MAP2K5: variants seen among roughly 807,000 people sequenced by gnomAD.
The protein encoded by MAP2K5 is mitogen-activated protein kinase kinase 5.
A neutral mutation model predicts 83.1 loss-of-function variants in MAP2K5; 49 were observed. The ratio of observed to expected loss-of-function variants is 0.59; its 90% CI spans 0.47 to 0.75. The LOEUF is 0.75. Ranked by LOEUF, MAP2K5 falls within the 30% of genes least tolerant of loss-of-function variation. The pLI is 0.00. For missense variants in MAP2K5, 457 were observed against 557.5 expected (o/e 0.82, Z 1.82); for synonymous variants, 202 against 191.8 (o/e 1.05, Z -0.44).
intron 8 of MAP2K5, among the ~76,000 whole-genome samples, chr15:67,620,085 T>A (rs532846596): frequency 3.7e-4 from 57 of 152,150 alleles, no homozygotes; most frequent in African/African-American, 1.3e-3. Flanking sequence ...AAAAATATAC[T>A]AGTAGGCCAT....
At chr15:67,544,679 C>T (rs890679240) in intron 1 of MAP2K5, among the ~76,000 whole-genome samples, 6 of 152,104 alleles carry the variant, frequency 3.9e-5, no homozygotes, top group Non-Finnish European at 8.8e-5. Flanking sequence ...GCGGACATTC[C>T]GAAAAGCACA....
At chr15:67,694,407 A>G (rs2088193062) in intron 15 of MAP2K5, among the ~76,000 whole-genome samples, 1 of 152,196 alleles carries the variant, frequency 6.6e-6, no homozygotes, top group Non-Finnish European at 1.5e-5. Context: ...ATGAAATTAA[A>G]TGATGTTAGT....
Position 67,577,488 on chromosome 15 carries a change from G to A in MAP2K5, c.253-3266G>A, listed in dbSNP as rs1257660918. On this transcript the variant is annotated intron_variant, in intron 3 of 21. Coordinates refer to ENST00000178640, the MANE Select transcript of MAP2K5 (RefSeq NM_145160.3). This position sits in a 1 kb window ranked among gnomAD's most constrained non-coding sequence, Gnocchi z 4.1. The stretch of plus-strand genomic sequence containing the variant: ...GGATAACTTGAAGTAATATTATGAA[G>A]GTTACTTTGTTACATTTCTGTCCAA... Among the ~76,000 whole-genome samples, 1 of 152,102 alleles carries A rather than the reference G, an allele frequency of 6.6e-6. No individual in the cohort carries two copies. Among genetic ancestry groups the A allele is most frequent in the African/African-American group, 2.4e-5 (1 of 41,402 alleles).
chr15:67,612,024 C>CCAGA (rs2085934427), intron 8 of MAP2K5, among the ~76,000 whole-genome samples: 1 of 151,764 alleles, frequency 6.6e-6, no homozygotes, highest in Non-Finnish European at 1.5e-5. Flanking sequence ...GATCTCTGAA[C>CCAGA]CTCAGTCAGT....
intron 8 of MAP2K5, among the ~76,000 whole-genome samples, chr15:67,610,874 T>G (rs899044630): frequency 2.0e-5 from 3 of 152,230 alleles, no homozygotes; most frequent in African/African-American, 7.2e-5. Flanking sequence ...AAAATTTCCT[T>G]ACTTTTCCTT....
At chr15:67,594,808 A>G (rs796512002) in intron 7 of MAP2K5, among the ~76,000 whole-genome samples, 7 of 152,232 alleles carry the variant, frequency 4.6e-5, no homozygotes, top group African/African-American at 1.4e-4. Flanking sequence ...CACTCAAAAA[A>G]TTCCCTCAAA....
At chr15:67,625,789 T>C (rs1206941561) in intron 8 of MAP2K5, among the ~76,000 whole-genome samples, 1 of 152,182 alleles carries the variant, frequency 6.6e-6, no homozygotes, top group Non-Finnish European at 1.5e-5. Context: ...GAACCCAAAC[T>C]TCCACGGATG....
intron 13 of MAP2K5, among the ~76,000 whole-genome samples, chr15:67,674,098 C>T (rs957979015): frequency 1.3e-5 from 2 of 152,266 alleles, no homozygotes; most frequent in African/African-American, 2.4e-5. Flanking sequence ...CCACCCGTCT[C>T]GGCCTCCCAA....
rs1240729049 is a variant in MAP2K5 at position 67,565,612 on chromosome 15, A to G, written c.252+2262A>G. 7.3e-5 allele frequency among the ~76,000 whole-genome samples: 11 copies of G among 151,352 alleles called. No individual in the cohort carries two copies. The highest frequency in any genetic ancestry group is 7.2e-4 in the Admixed American group (11 of 15,236). ...TTCTGCACCATGTATTCCTTACAGC[A>G]TATGCTTATTTTCTCAAATTCAGTG... On this transcript the variant is annotated intron_variant, in intron 3 of 21. Transcript: ENST00000178640. The surrounding 1 kb of genome is among the most constrained non-coding windows in gnomAD (Gnocchi z 4.1).
Position 67,774,405 on chromosome 15 carries a change from T to C in MAP2K5, c.1242+1653T>C, listed in dbSNP as rs117053229. Reference sequence around the variant, plus strand: ...TTTTAAATGAATGCATTCCCAGAGGTATAGCAGTGGTGAGGCACCACTGCT... The same window carrying C: ...TTTTAAATGAATGCATTCCCAGAGGCATAGCAGTGGTGAGGCACCACTGCT... On this transcript the variant is annotated intron_variant, in intron 21 of 21. Transcript: ENST00000178640. The surrounding 1 kb of genome is among the most constrained non-coding windows in gnomAD (Gnocchi z 4.9). Among the ~76,000 whole-genome samples, 242 of 152,154 alleles carry C rather than the reference T, an allele frequency of 1.6e-3. 2 individuals are homozygous for C. In the East Asian group the frequency reaches 0.033, roughly 21 times the overall value.
chr15:67,704,089 A>G (rs973033042), intron 16 of MAP2K5, among the ~76,000 whole-genome samples: 5 of 152,120 alleles, frequency 3.3e-5, no homozygotes, highest in African/African-American at 9.7e-5. Context: ...ACTCTATGCT[A>G]TGTTTTTTTT....
In MAP2K5 at chr15:67,561,890, T is replaced by TGTG. The variant is rs1475895774; in HGVS notation, c.185-1390_185-1388dup. ...AGACAGGAGGGAAGACCCACTGACT[T>TGTG]GTGGTAGGGGAAGATCCCTGTGTTG... On this transcript the variant is annotated intron_variant, in intron 2 of 21. Transcript: ENST00000178640. The surrounding 1 kb of genome is among the most constrained non-coding windows in gnomAD (Gnocchi z 4.2). 6.6e-6 allele frequency among the ~76,000 whole-genome samples: 1 copy of TGTG among 152,146 alleles called. No individual in the cohort carries two copies. Among genetic ancestry groups the TGTG allele is most frequent in the African/African-American group, 2.4e-5 (1 of 41,428 alleles).
intron 12 of MAP2K5, 164 bp downstream of exon 12, chr15:67,658,778 C>T (rs1596738662): frequency 1.5e-6 from 1 of 657,122 alleles, no homozygotes; most frequent in Non-Finnish European, 2.8e-6. Context: ...TAGACCAGCC[C>T]ACCCAACATC....
Position 67,543,744 on chromosome 15 carries a change from G to A in MAP2K5, c.135+274G>A, listed in dbSNP as rs557403642. Among the ~76,000 whole-genome samples the A allele has an allele frequency of 4.1e-4, 63 of 152,150 alleles. No homozygotes were observed. Among genetic ancestry groups the A allele is most frequent in the Non-Finnish European group, 6.5e-4 (44 of 68,030 alleles). Reference sequence around the variant, plus strand: ...GGGACACACATATAGACACAACCACGCAAATGCAAACTGCTGAATCTAGAA... The same window carrying A: ...GGGACACACATATAGACACAACCACACAAATGCAAACTGCTGAATCTAGAA... On this transcript the variant is annotated intron_variant, in intron 1 of 21. Coordinates refer to ENST00000178640, the MANE Select transcript of MAP2K5 (RefSeq NM_145160.3). The surrounding 1 kb of genome is among the most constrained non-coding windows in gnomAD (Gnocchi z 4.3).
rs1022242713 is a variant in MAP2K5 at position 67,665,091 on chromosome 15, A to C, written c.847+446A>C. On this transcript the variant is annotated intron_variant, in intron 13 of 21. Transcript: ENST00000178640. This position sits in a 1 kb window ranked among gnomAD's most constrained non-coding sequence, Gnocchi z 4.2. ...AAGATGGGGTCTTGCTCTGTTGGCC[A>C]GGTTGTTGTTAAACCCCTAGCCTCA... 3.3e-5 allele frequency among the ~76,000 whole-genome samples: 5 copies of C among 152,200 alleles called. No individual in the cohort carries two copies. The highest frequency in any genetic ancestry group is 1.2e-4 in the African/African-American group (5 of 41,456).
rs1162445094 is a variant in MAP2K5 at position 67,690,046 on chromosome 15, G to A, written c.848-2433G>A. On this transcript the variant is annotated intron_variant, in intron 13 of 21. Transcript: ENST00000178640. The surrounding 1 kb of genome is among the most constrained non-coding windows in gnomAD (Gnocchi z 4.3). Reference sequence around the variant, plus strand: ...GTGCCATTTTTTTTAAATCTCTTCAGCTATTGTTAGTGTATTTTATATGTG... The same window carrying A: ...GTGCCATTTTTTTTAAATCTCTTCAACTATTGTTAGTGTATTTTATATGTG... Among the ~76,000 whole-genome samples the A allele has an allele frequency of 6.6e-6, 1 of 152,078 alleles. No homozygotes were observed.
chr15:67,741,695 G>A (rs981526189), intron 17 of MAP2K5, among the ~76,000 whole-genome samples: 3 of 152,096 alleles, frequency 2.0e-5, no homozygotes, highest in African/African-American at 7.2e-5. Flanking sequence ...TAATAAAGGG[G>A]AGAAGGATAG....
Position 67,688,858 on chromosome 15 carries a change from C to G in MAP2K5, c.848-3621C>G, listed in dbSNP as rs1028393250. Among the ~76,000 whole-genome samples, 37 of 152,288 alleles carry G rather than the reference C, an allele frequency of 2.4e-4. 1 individual carries two copies. Among genetic ancestry groups the G allele is most frequent in the Admixed American group, 1.8e-3 (27 of 15,302 alleles). The stretch of plus-strand genomic sequence containing the variant: ...GGTCATATGTCTCCTAGCCCAGATT[C>G]ATTGACTTTGTTAAAGGGGGTTGTT... On this transcript the variant is annotated intron_variant, in intron 13 of 21. Transcript: ENST00000178640.
At chr15:67,723,713 G>T (rs2141243345) in intron 16 of MAP2K5, among the ~76,000 whole-genome samples, 2 of 151,758 alleles carry the variant, frequency 1.3e-5, no homozygotes, top group East Asian at 1.9e-4. Context: ...TTGATGAATT[G>T]CTGGCACTTA....
Sources: gnomAD v4.1 joint callset for allele counts (sites outside exome capture counted in the v4.1 genomes callset) on GRCh38, gnomAD v4.1.1 for gene constraint, Gnocchi (gnomAD v3.1) non-coding constraint, MANE v1.5 for transcripts, NCBI Gene and HGNC (gene_info 2026-07-23, HGNC 2026-07-21) for gene names.